Variants in MAMLD1 observed in about 807,000 individuals in gnomAD.
MAMLD1 encodes mastermind like domain containing 1.
In MAMLD1, 14 loss-of-function variants were observed where a neutral mutation model predicts 45.0. The ratio of observed to expected loss-of-function variants is 0.31; its 90% CI spans 0.21 to 0.49. The LOEUF is 0.49. MAMLD1 is among the 20% of genes least tolerant of loss of function. MAMLD1 has a pLI of 0.99. For missense variants in MAMLD1, 543 were observed against 603.6 expected (o/e 0.90, Z 1.05); for synonymous variants, 254 against 247.8 (o/e 1.02, Z -0.24).
intron 1 of MAMLD1, chrX:150,420,981 C>G (rs373599147): frequency 1.7e-5 from 2 of 115,357 alleles, no homozygotes; most frequent in East Asian, 2.7e-4. Context: ...TCGAGATTCC[C>G]GGCTGCTTTG....
At chrX:150,395,614 G>T (rs2033382361) in intron 1 of MAMLD1, among the ~76,000 whole-genome samples, 1 of 111,242 alleles carries the variant, frequency 9.0e-6, no homozygotes, top group Admixed American at 9.6e-5. Flanking sequence ...TTCTTTAATA[G>T]ATACAGGTTT....
In MAMLD1 at chrX:150,398,252, G is replaced by GAGAAGA. The variant is rs1221742768; in HGVS notation, c.-64+34807_-64+34812dup. Among the ~76,000 whole-genome samples, 104 of 40,757 alleles carry GAGAAGA rather than the reference G, an allele frequency of 2.6e-3. 3 individuals carry two copies. Among genetic ancestry groups the GAGAAGA allele is most frequent in the South Asian group, 5.8e-3 (3 of 513 alleles). 35.4% of individuals were successfully genotyped at this position (40,757 alleles called of 115,157 possible). The stretch of plus-strand genomic sequence containing the variant: ...GGAGAAGAAGGAGAAGGAGGAGAAG[G>GAGAAGA]AGAAGAAGAAGAAGAAGAAGAAGAA... On this transcript the variant is annotated intron_variant, in intron 1 of 7. Transcript: ENST00000370401.
intron 5 of MAMLD1, among the ~76,000 whole-genome samples, chrX:150,490,760 G>C (rs1294302575): frequency 9.0e-6 from 1 of 111,648 alleles, no homozygotes; most frequent in Non-Finnish European, 1.9e-5. Flanking sequence ...TATTCCTTAT[G>C]AATCAAGACA....
At chrX:150,455,775 T>C (rs2035839032) in intron 2 of MAMLD1, among the ~76,000 whole-genome samples, 1 of 84,327 alleles carries the variant, frequency 1.2e-5, no homozygotes, top group Admixed American at 1.3e-4. Flanking sequence ...CTTCTTCTTC[T>C]TCTTCTTTTT....
chrX:150,473,156 C>T (rs373015364), intron 4 of MAMLD1, among the ~76,000 whole-genome samples: 8 of 112,168 alleles, frequency 7.1e-5, no homozygotes, highest in East Asian at 2.8e-4. Context: ...ACTTGGCCCA[C>T]GCCATCTGGT....
intron 6 of MAMLD1, chrX:150,504,529 T>TGAAGA: frequency 1.8e-6 from 1 of 556,288 alleles, no homozygotes; most frequent in Non-Finnish European, 2.2e-6. Flanking sequence ...GCTCCTCAGC[T>TGAAGA]GTTCACTCTT....
chrX:150,404,860 C>G (rs1223256744), intron 1 of MAMLD1, among the ~76,000 whole-genome samples: 1 of 112,237 alleles, frequency 8.9e-6, no homozygotes, highest in Admixed American at 9.5e-5. Flanking sequence ...TCATTCCTTT[C>G]TACAAATTAC....
intron 1 of MAMLD1, among the ~76,000 whole-genome samples, chrX:150,440,357 T>C (rs974683529): frequency 8.2e-5 from 9 of 109,867 alleles, no homozygotes; most frequent in Non-Finnish European, 1.7e-4. Context: ...AGTGTTTGTC[T>C]TTGCTGTCAA....
At chrX:150,481,232 C>A (rs894694611) in intron 5 of MAMLD1, among the ~76,000 whole-genome samples, 4 of 112,928 alleles carry the variant, frequency 3.5e-5, no homozygotes, top group African/African-American at 1.3e-4. Flanking sequence ...TCTGGCAATC[C>A]TTTCAAAGAT....
At chrX:150,398,189 A>C (rs1302655721) in intron 1 of MAMLD1, among the ~76,000 whole-genome samples, 1 of 104,742 alleles carries the variant, frequency 9.5e-6, no homozygotes. Context: ...TGCTGGCCCC[A>C]GCCTACATCT....
rs1557406571 is a variant in MAMLD1, at chrX:150,471,488, C to G, written c.1915C>G (p.Gln639Glu). The G allele has an allele frequency of 1.7e-6, 2 of 1,210,836 alleles. No homozygotes were observed. Among genetic ancestry groups the G allele is most frequent in the Admixed American group, 4.3e-5 (2 of 46,091 alleles). ...AGATTCCATGCCTGCTCTGCCCAGA[C>G]AGGTAAGACAATCTCATATCTGGCT... is the stretch of plus-strand genomic sequence containing the variant. ...ASDSMPALPR[Q>E]GCCHLFAWTS... is the part of the protein sequence containing the mutation. Residue 639 changes from glutamine to glutamate, a missense_variant and splice_region_variant, in exon 4 of 8, where the codon CAG (glutamine) becomes GAG (glutamate). Physicochemically the swap from Gln to Glu is conservative, Grantham distance 29. Coordinates refer to ENST00000370401, the MANE Select transcript of MAMLD1 (RefSeq NM_005491.5).
intron 1 of MAMLD1, among the ~76,000 whole-genome samples, chrX:150,427,780 G>A (rs949634034): frequency 1.8e-4 from 20 of 111,821 alleles, no homozygotes; most frequent in African/African-American, 6.5e-4. Flanking sequence ...CCTCTGATTT[G>A]GTGAGGGTTG....
At chrX:150,397,754 C>T (rs1380176937) in intron 1 of MAMLD1, among the ~76,000 whole-genome samples, 1 of 111,524 alleles carries the variant, frequency 9.0e-6, no homozygotes, top group African/African-American at 3.3e-5. Flanking sequence ...CTCTACACCC[C>T]CTTACCAGCT....
intron 1 of MAMLD1, among the ~76,000 whole-genome samples, chrX:150,444,083 A>G (rs1265266507): frequency 3.6e-5 from 4 of 111,971 alleles, no homozygotes; most frequent in African/African-American, 1.3e-4. Context: ...CTTCATTGAC[A>G]TCAGGGAGGA....
In MAMLD1 at chrX:150,470,912, C is replaced by T. The variant is rs139141454; in HGVS notation, c.1339C>T (p.Leu447=). 12 of 1,210,020 alleles carry T rather than the reference C, an allele frequency of 9.9e-6. No individual in the cohort carries two copies. In the African/African-American group the frequency reaches 2.1e-4, roughly 21 times the overall value. The part of the protein sequence containing the change: ...KTPQGHLMSA[L]PASNPGPSPP... ...CCCTCAAGGACACCTGATGTCTGCT[C>T]TGCCTGCCAGCAACCCTGGGCCGTC... is the stretch of plus-strand genomic sequence containing the variant. Residue 447 remains leucine, a synonymous_variant, in exon 4 of 8, where the codon CTG becomes TTG. Coordinates refer to ENST00000370401, the MANE Select transcript of MAMLD1 (RefSeq NM_005491.5).
chrX:150,484,168 A>G (rs2036911890), intron 5 of MAMLD1, among the ~76,000 whole-genome samples: 1 of 112,433 alleles, frequency 8.9e-6, no homozygotes. Context: ...ACAAGCTCCC[A>G]CTACTGGTTT....
At chrX:150,445,324 G>C (rs1557404731) in intron 1 of MAMLD1, 130 bp from the exon 2 acceptor site, 1 of 444,429 alleles carries the variant, frequency 2.3e-6, no homozygotes, top group Non-Finnish European at 4.0e-6. Context: ...GAGGGTGGTG[G>C]GTGGGAGGAA....
chrX:150,370,159 C>T (rs1557400937), intron 1 of MAMLD1, among the ~76,000 whole-genome samples: 1 of 109,478 alleles, frequency 9.1e-6, no homozygotes, highest in African/African-American at 3.3e-5. Flanking sequence ...GATGGAGGAA[C>T]AGGAGCCGGT....
Position 150,469,606 on chromosome X carries a change from C to CCT in MAMLD1, c.172-120_172-119dup, listed in dbSNP as rs200460474. The CCT allele has an allele frequency of 4.5e-4, 188 of 414,263 alleles. 1 individual carries two copies. The highest frequency in any genetic ancestry group is 8.9e-4 in the Admixed American group (20 of 22,462). 34.1% of individuals were successfully genotyped at this position (414,263 alleles called of 1,213,427 possible). A position where few individuals can be genotyped will look rare whatever the true frequency, so the allele number is the denominator to read the frequency against. ...AATGTGCCAAACCTTTATAAAAATT[C>CCT]CTCTCTCTCTCTCTCTCTCTTTCTC... On this transcript the variant is annotated intron_variant, in intron 3 of 7. Transcript: ENST00000370401.
Sources: gnomAD v4.1 joint callset for allele counts (sites outside exome capture counted in the v4.1 genomes callset) on GRCh38, gnomAD v4.1.1 for gene constraint, MANE v1.5 for transcripts, NCBI Gene and HGNC (gene_info 2026-07-23, HGNC 2026-07-21) for gene names.